BMAL1: variants seen among roughly 807,000 people sequenced by gnomAD.
BMAL1 encodes basic helix-loop-helix ARNT-like protein 1.
At chr11:13,287,349 G>A in the BMAL1 span, among the ~76,000 whole-genome samples, 1 of 152,118 alleles carries the variant, frequency 6.6e-6, no homozygotes, top group Admixed American at 6.6e-5. Context: ...TTACTTGAAG[G>A]CATAGCGAGG....
the BMAL1 span, among the ~76,000 whole-genome samples, chr11:13,286,841 G>T: frequency 9.9e-5 from 15 of 152,194 alleles, no homozygotes; most frequent in East Asian, 2.9e-3. Flanking sequence ...ACTCTGGCTT[G>T]CCTGCTTATA....
chr11:13,356,672 C>A, the BMAL1 span: 2 of 1,586,126 alleles, frequency 1.3e-6, no homozygotes, highest in South Asian at 2.3e-5. Context: ...AGCCTTCTGT[C>A]TTATGATAAG....
At chr11:13,300,841 A>G in the BMAL1 span, among the ~76,000 whole-genome samples, 2 of 152,150 alleles carry the variant, frequency 1.3e-5, no homozygotes, top group Admixed American at 1.3e-4. Flanking sequence ...ACAAACAGAC[A>G]ACACTGACTT....
the BMAL1 span, among the ~76,000 whole-genome samples, chr11:13,373,384 G>A: frequency 6.6e-6 from 1 of 152,204 alleles, no homozygotes; most frequent in Non-Finnish European, 1.5e-5. Context: ...GACAGCCTCA[G>A]CTGTCTTGTG....
At chr11:13,365,631 A>T in the BMAL1 span, 1 of 1,525,240 alleles carries the variant, frequency 6.6e-7, no homozygotes, top group Middle Eastern at 1.7e-4. Context: ...GCAGCCTCAC[A>T]GCAGTCAGAA....
the BMAL1 span, among the ~76,000 whole-genome samples, chr11:13,386,188 G>C: frequency 6.6e-6 from 1 of 151,954 alleles, no homozygotes; most frequent in South Asian, 2.1e-4. Flanking sequence ...TTCTCCCCTG[G>C]GCTTTCTAGA....
the BMAL1 span, among the ~76,000 whole-genome samples, chr11:13,321,930 T>G: frequency 1.3e-5 from 2 of 152,164 alleles, no homozygotes; most frequent in East Asian, 3.9e-4. Context: ...GTAAATAATA[T>G]TCCCTCTCCA....
chr11:13,354,423 C>T, the BMAL1 span: 5 of 1,614,106 alleles, frequency 3.1e-6, no homozygotes, highest in Non-Finnish European at 4.2e-6. Context: ...CAACCGCAAA[C>T]GGAAAGGCAG....
chr11:13,322,135 C>T, the BMAL1 span, among the ~76,000 whole-genome samples: 20 of 152,180 alleles, frequency 1.3e-4, no homozygotes, highest in African/African-American at 4.3e-4. Flanking sequence ...CTCCCTGATG[C>T]TTGTTCTTGT....
the BMAL1 span, among the ~76,000 whole-genome samples, chr11:13,289,637 G>T: frequency 6.6e-6 from 1 of 152,056 alleles, no homozygotes; most frequent in Non-Finnish European, 1.5e-5. Context: ...GCGGTGTTTG[G>T]TTTTCTGTCC....
chr11:13,386,763 C>T, the BMAL1 span: 1 of 1,612,780 alleles, frequency 6.2e-7, no homozygotes, highest in East Asian at 2.2e-5. Flanking sequence ...GTAAACACTA[C>T]ATGTTGCTTT....
the BMAL1 span, among the ~76,000 whole-genome samples, chr11:13,329,833 C>T: frequency 1.3e-5 from 2 of 152,086 alleles, no homozygotes; most frequent in African/African-American, 4.8e-5. Context: ...CAACGGTGAT[C>T]CAAACTGATG....
the BMAL1 span, among the ~76,000 whole-genome samples, chr11:13,363,609 T>G: frequency 6.6e-6 from 1 of 152,214 alleles, no homozygotes; most frequent in African/African-American, 2.4e-5. Flanking sequence ...ATGGACAAAC[T>G]GCTTTCTTTA....
the BMAL1 span, among the ~76,000 whole-genome samples, chr11:13,346,920 G>T: frequency 2.6e-5 from 4 of 152,240 alleles, no homozygotes; most frequent in African/African-American, 9.6e-5. Flanking sequence ...ACCTCTGTTG[G>T]CTCAAATCCC....
the BMAL1 span, chr11:13,385,538 ATGTC>A: frequency 5.0e-4 from 300 of 596,590 alleles, 1 homozygote; most frequent in African/African-American, 4.9e-3. Flanking sequence ...TACTCTGACC[ATGTC>A]TGTCTAACAG....
the BMAL1 span, chr11:13,354,673 C>T: frequency 3.3e-4 from 175 of 527,460 alleles, no homozygotes; most frequent in African/African-American, 3.2e-3. Context: ...TTCCTGTCCC[C>T]AAAATGTTCT....
the BMAL1 span, chr11:13,386,553 T>G: frequency 4.0e-6 from 6 of 1,504,114 alleles, no homozygotes; most frequent in Admixed American, 9.7e-5. Context: ...CTGAAGATGC[T>G]TTAAAAAAGA....
the BMAL1 span, chr11:13,356,790 T>C: frequency 6.2e-7 from 1 of 1,614,134 alleles, no homozygotes; most frequent in Non-Finnish European, 8.5e-7. Flanking sequence ...ACCATGAACC[T>C]AGTAATTTGA....
the BMAL1 span, among the ~76,000 whole-genome samples, chr11:13,337,205 A>T: frequency 3.3e-5 from 5 of 152,224 alleles, no homozygotes; most frequent in Admixed American, 2.6e-4. Context: ...TGGAAAATTG[A>T]GAAATTATAA....
Sources: allele counts gnomAD v4.1 joint callset (sites outside exome capture counted in the v4.1 genomes callset), GRCh38; gene constraint gnomAD v4.1.1; transcripts MANE v1.5; gene names NCBI Gene and HGNC (gene_info 2026-07-23, HGNC 2026-07-21).